Variants in TOGARAM2 observed in about 807,000 individuals in gnomAD.
TOGARAM2 encodes TOG array regulator of axonemal microtubules 2.
A neutral mutation model predicts 93.3 loss-of-function variants in TOGARAM2; 85 were observed. The observed-to-expected ratio is 0.91, with a 90% confidence interval of 0.76 to 1.09. TOGARAM2 has a LOEUF of 1.09. Ranked by LOEUF, TOGARAM2 falls within the 50% of genes least tolerant of loss-of-function variation. The pLI, the probability that TOGARAM2 is intolerant of heterozygous loss-of-function variation, is 0.00. For synonymous variants in TOGARAM2, 593 were observed against 552.8 expected (o/e 1.07, Z -1.02); for missense variants, 1,277 against 1,334.5 (o/e 0.96, Z 0.67).
intron 19 of TOGARAM2, chr2:29,047,891 G>A (rs1666837742): frequency 6.6e-6 from 1 of 152,046 alleles, no homozygotes; most frequent in South Asian, 2.1e-4. Context: ...GGCTCTGTTG[G>A]GGGGCAGGTA....
chr2:28,968,892 C>A (rs1671907064), intron 1 of TOGARAM2, among the ~76,000 whole-genome samples: 1 of 151,454 alleles, frequency 6.6e-6, no homozygotes, highest in Non-Finnish European at 1.5e-5. Context: ...TGAAGTACTC[C>A]CCTGTATTAC....
At chr2:28,959,724 C>T (rs1671775460) in intron 1 of TOGARAM2, among the ~76,000 whole-genome samples, 1 of 151,996 alleles carries the variant, frequency 6.6e-6, no homozygotes, top group Admixed American at 6.6e-5. Context: ...GCCTGGGCGA[C>T]AGAGTGAGAC....
intron 14 of TOGARAM2, among the ~76,000 whole-genome samples, chr2:29,030,310 A>T (rs1225821690): frequency 6.6e-6 from 1 of 152,156 alleles, no homozygotes. Flanking sequence ...CACAAATCAC[A>T]TAGCCATTAA....
rs371261973 is a variant in TOGARAM2, at chr2:28,997,575, G to A, written c.29-568G>A. ...GTGTCGCGGATAGAGGGTGTCTTTT[G>A]CTGAGCCGAGGGACGTTAGGAGAGA... On this transcript the variant is annotated intron_variant, in intron 2 of 19. Transcript: ENST00000379558. Among the ~76,000 whole-genome samples the A allele has an allele frequency of 7.5e-4, 115 of 152,344 alleles. 1 individual carries two copies. Among genetic ancestry groups the A allele is most frequent in the African/African-American group, 2.5e-3 (104 of 41,576 alleles).
Position 29,052,206 on chromosome 2 carries a change from A to G in TOGARAM2, c.*113A>G. The stretch of plus-strand genomic sequence containing the variant: ...GTACATGGTATATTTTGAAGTAGAA[A>G]TAAAAGAATTACTTATTTTTCTAAG... On this transcript the variant is annotated 3_prime_UTR_variant, in exon 20 of 20. Transcript: ENST00000379558. 4.6e-6 allele frequency: 4 copies of G among 866,512 alleles called. No individual in the cohort carries two copies. The highest frequency in any genetic ancestry group is 6.6e-6 in the Non-Finnish European group (4 of 608,564). The allele number at this position is 866,512 out of a possible 1,614,324, so 53.7% of individuals were successfully genotyped here.
chr2:28,989,331 G>A (rs1672606710), intron 1 of TOGARAM2, among the ~76,000 whole-genome samples: 1 of 151,840 alleles, frequency 6.6e-6, no homozygotes, highest in Non-Finnish European at 1.5e-5. Flanking sequence ...GATTACAGGT[G>A]TAAGCCGCCA....
At chr2:28,966,178 A>G (rs1671864263) in intron 1 of TOGARAM2, among the ~76,000 whole-genome samples, 1 of 152,006 alleles carries the variant, frequency 6.6e-6, no homozygotes, top group South Asian at 2.1e-4. Context: ...TTTATTAGAG[A>G]CAGGGTTTCA....
chr2:29,026,886 T>C lies in TOGARAM2; in HGVS notation c.1887T>C (p.Ala629=). Residue 629 remains alanine, a synonymous_variant, in exon 14 of 20, where the codon GCT becomes GCC. Transcript: ENST00000379558. ...HRNPLIRKYA[A]EHLSAVLEQI... The stretch of plus-strand genomic sequence containing the variant: ...ACCCCTTGATCCGGAAATACGCGGC[T>C]GAGCACCTCTCAGCTGTGCTGGAGC... 1 of 1,593,530 alleles carries C rather than the reference T, an allele frequency of 6.3e-7. No homozygotes were observed.
intron 1 of TOGARAM2, among the ~76,000 whole-genome samples, chr2:28,975,894 T>A (rs1672019762): frequency 2.6e-5 from 4 of 152,164 alleles, no homozygotes; most frequent in Admixed American, 6.5e-5. Context: ...TTGCTGATGA[T>A]GGGATGGAAT....
At chr2:28,993,851 T>C (rs2148266700) in intron 1 of TOGARAM2, among the ~76,000 whole-genome samples, 1 of 152,320 alleles carries the variant, frequency 6.6e-6, no homozygotes, top group South Asian at 2.1e-4. Context: ...GAGTTGGGAT[T>C]TGTTGCTCAG....
At chr2:29,015,735 C>T (rs1279702984) in intron 8 of TOGARAM2, among the ~76,000 whole-genome samples, 1 of 152,168 alleles carries the variant, frequency 6.6e-6, no homozygotes, top group Non-Finnish European at 1.5e-5. Context: ...GTGTCTCATC[C>T]TTGAATTCTC....
chr2:28,997,554 C>G (rs116726761), intron 2 of TOGARAM2, among the ~76,000 whole-genome samples: 3,035 of 152,232 alleles, frequency 0.02, 104 homozygotes, highest in African/African-American at 0.07. Flanking sequence ...ATCTCTGTGT[C>G]GCGGATAGAG....
intron 1 of TOGARAM2, among the ~76,000 whole-genome samples, chr2:28,968,066 G>A (rs530313498): frequency 5.3e-4 from 81 of 152,060 alleles, no homozygotes; most frequent in Admixed American, 1.6e-3. Context: ...TGATCCGCCC[G>A]CCTTGGCCTC....
chr2:28,957,499 G>A lies in TOGARAM2; in HGVS notation c.-147+802G>A, dbSNP rs115831013. Among the ~76,000 whole-genome samples the A allele has an allele frequency of 2.9e-3, 447 of 152,198 alleles. 4 individuals are homozygous for A. Among genetic ancestry groups the A allele is most frequent in the African/African-American group, 0.01 (418 of 41,526 alleles). ...CCTGGCCAAGAATTGATTTCATTAC[G>A]GAATATTATAACATTAAAATGTACC... On this transcript the variant is annotated intron_variant, in intron 1 of 6. Transcript: ENST00000401723.
At chr2:29,040,023 C>A (rs1041548121) in intron 18 of TOGARAM2, among the ~76,000 whole-genome samples, 2 of 152,178 alleles carry the variant, frequency 1.3e-5, no homozygotes, top group Admixed American at 6.6e-5. Flanking sequence ...TTCAGGTCTA[C>A]TTTTGCTATT....
At chr2:28,959,503 C>T (rs951503325) in intron 1 of TOGARAM2, among the ~76,000 whole-genome samples, 3 of 152,138 alleles carry the variant, frequency 2.0e-5, no homozygotes, top group African/African-American at 7.2e-5. Context: ...CCTGTAATCC[C>T]AGCACTTTGG....
chr2:28,999,428 G>C lies in TOGARAM2; in HGVS notation c.387G>C (p.Lys129Asn). The C allele has an allele frequency of 6.2e-7, 1 of 1,612,908 alleles. No individual in the cohort carries two copies. Among genetic ancestry groups the C allele is most frequent in the Non-Finnish European group, 8.5e-7 (1 of 1,179,472 alleles). The change falls in exon 4 of 20, where the codon AAG (lysine) becomes AAC (asparagine). Residue 129 changes from lysine to asparagine, a missense_variant. Physicochemically the swap from Lys to Asn is moderately conservative, Grantham distance 94. Transcript: ENST00000379558. The part of the protein sequence containing the change: ...RDTIQIKDKL[K>N]KRRLSEGLAA... ...CCATCCAGATTAAGGACAAGCTCAA[G>C]AAAAGGAGGCTCTCAGAGGGCTTGG...
intron 1 of TOGARAM2, among the ~76,000 whole-genome samples, chr2:28,982,347 G>C (rs1219173148): frequency 6.6e-6 from 1 of 152,198 alleles, no homozygotes; most frequent in Non-Finnish European, 1.5e-5. Flanking sequence ...TTCCTCAGGA[G>C]CGCTGGGAGG....
intron 1 of TOGARAM2, among the ~76,000 whole-genome samples, chr2:28,985,488 C>A (rs1009836667): frequency 6.6e-6 from 1 of 152,032 alleles, no homozygotes; most frequent in Non-Finnish European, 1.5e-5. Flanking sequence ...CCTCCAAGGC[C>A]CCTTCCAGCT....
Sources: allele counts gnomAD v4.1 joint callset (sites outside exome capture counted in the v4.1 genomes callset), GRCh38; gene constraint gnomAD v4.1.1; transcripts MANE v1.5; gene names NCBI Gene and HGNC (gene_info 2026-07-23, HGNC 2026-07-21).